Variants in CCDC92 observed in about 807,000 individuals in gnomAD.
The protein encoded by CCDC92 is coiled-coil domain containing 92.
A neutral mutation model predicts 24.9 loss-of-function variants in CCDC92; 12 were observed. The observed-to-expected ratio is 0.48, with a 90% CI of 0.31 to 0.78. The LOEUF is 0.78. CCDC92 is among the 30% of genes least tolerant of loss of function. The pLI is 0.05. For missense variants in CCDC92, 399 were observed against 439.4 expected, an observed-to-expected ratio of 0.91 and a Z score of 0.82; for synonymous variants, 193 against 196.3, an observed-to-expected ratio of 0.98 and a Z score of 0.14.
At position 123,936,022 on chromosome 12, in the gene CCDC92, C is replaced by T. The variant is rs1955477774; in HGVS notation, c.*1036G>A. On this transcript the variant is annotated 3_prime_UTR_variant, in exon 5 of 5. Transcript: ENST00000238156. ...AAGTTGTTGAGCTTAGTGTTTAGTT[C>T]CTGCATGAGCTTCTACCCCCAGCCT... The T allele has an allele frequency of 6.5e-6, 1 of 152,866 alleles. No homozygotes were observed. Among genetic ancestry groups the T allele is most frequent in the African/African-American group, 2.4e-5 (1 of 41,442 alleles). The allele number at this position is 152,866 out of a possible 1,614,324, so 9.5% of individuals were successfully genotyped here. A position where few individuals can be genotyped will look rare whatever the true frequency, so the allele number is the denominator to read the frequency against.
At chr12:123,968,570 A>G (rs1032613772) in intron 1 of CCDC92, 2 of 152,160 alleles carry the variant, frequency 1.3e-5, no homozygotes. Context: ...TTTTCCCTTC[A>G]TGCATACAGC....
intron 2 of CCDC92, 126 bp from the exon 3 acceptor site, chr12:123,943,619 G>C (rs936102221): frequency 3.0e-6 from 3 of 992,016 alleles, no homozygotes; most frequent in Non-Finnish European, 4.6e-6. Context: ...CACGGCTCCT[G>C]AAGGGCAGGG....
intron 1 of CCDC92, among the ~76,000 whole-genome samples, chr12:123,965,824 A>G (rs777057415): frequency 6.6e-6 from 1 of 152,108 alleles, no homozygotes; most frequent in African/African-American, 2.4e-5. Context: ...GGCATGCTCC[A>G]AATTTACCAG....
At chr12:123,941,356 C>A (rs116151135) in intron 4 of CCDC92, among the ~76,000 whole-genome samples, 1 of 152,186 alleles carries the variant, frequency 6.6e-6, no homozygotes, top group Non-Finnish European at 1.5e-5. Context: ...AAGCCCACGG[C>A]GCCTTCCCTA....
In CCDC92 at chr12:123,972,533, G is replaced by A. The variant is rs1292327595; in HGVS notation, c.-64C>T. The A allele has an allele frequency of 1.3e-5, 2 of 151,564 alleles. No individual in the cohort carries two copies. Among genetic ancestry groups the A allele is most frequent in the East Asian group, 3.9e-4 (2 of 5,130 alleles). 9.4% of individuals were successfully genotyped at this position (151,564 alleles called of 1,614,324 possible). A position where few individuals can be genotyped will look rare whatever the true frequency, so the allele number is the denominator to read the frequency against. On this transcript the variant is annotated 5_prime_UTR_variant, in exon 1 of 5. Coordinates refer to ENST00000238156, the MANE Select transcript of CCDC92 (RefSeq NM_025140.3). ...ACACCCCGGGCCCCGCCTCACCTGC[G>A]GGCGCCGCCGTCGCGTTCCTTCAGG...
intron 1 of CCDC92, among the ~76,000 whole-genome samples, chr12:123,969,559 C>T (rs1047372881): frequency 6.8e-6 from 1 of 146,430 alleles, no homozygotes; most frequent in East Asian, 2.0e-4. Flanking sequence ...ACCTCTGCCT[C>T]CTGGGTTCAA....
intron 1 of CCDC92, among the ~76,000 whole-genome samples, chr12:123,961,831 A>T (rs1415913946): frequency 6.6e-6 from 1 of 152,188 alleles, no homozygotes; most frequent in Non-Finnish European, 1.5e-5. Flanking sequence ...GTTGGCAAAT[A>T]AGCTTGGAGG....
In CCDC92 at chr12:123,937,406, C is replaced by T. The variant is rs367866326; in HGVS notation, c.648G>A (p.Pro216=). Residue 216 remains proline, a synonymous_variant, in exon 5 of 5, where the codon CCG becomes CCA. Transcript: ENST00000238156. This position sits in a 1 kb window ranked among gnomAD's most constrained non-coding sequence, Gnocchi z 8.4. ...CGAATCTGTAGACCTCTTCAAATTCCGGGTGCAAGGGGGCTGAGAGGCTCT... is the reference window on the plus strand; with the variant it reads ...CGAATCTGTAGACCTCTTCAAATTCTGGGTGCAAGGGGGCTGAGAGGCTCT... ...MKKSLSAPLH[P]EFEEVYRFGA... is the part of the protein sequence containing the mutation. 15 of 1,613,712 alleles carry T rather than the reference C, an allele frequency of 9.3e-6. No individual in the cohort carries two copies. The highest frequency in any genetic ancestry group is 2.2e-5 in the East Asian group (1 of 44,880).
chr12:123,944,402 T>C (rs569333352), intron 1 of CCDC92, 38 bp from the exon 2 acceptor site: 1 of 1,099,198 alleles, frequency 9.1e-7, no homozygotes, highest in South Asian at 1.9e-5. Context: ...TATAAATTAT[T>C]ATTGTAAATA....
At chr12:123,947,028 C>A (rs568032668) in intron 1 of CCDC92, among the ~76,000 whole-genome samples, 1 of 152,274 alleles carries the variant, frequency 6.6e-6, no homozygotes, top group Non-Finnish European at 1.5e-5. Flanking sequence ...GCTTGGCGGG[C>A]CCCGCACTCA....
chr12:123,945,636 G>A (rs1406859592), intron 1 of CCDC92: 5 of 152,246 alleles, frequency 3.3e-5, no homozygotes, highest in African/African-American at 1.2e-4. Context: ...GTCAGTAGCG[G>A]TGCCTACGTT....
At chr12:123,944,124 G>A in intron 2 of CCDC92, 148 bp downstream of exon 2, 2 of 653,376 alleles carry the variant, frequency 3.1e-6, no homozygotes, top group South Asian at 1.7e-5. Context: ...AGCACTGAGA[G>A]GAGCCACAGA....
At chr12:123,944,577 A>C in intron 1 of CCDC92, 1 of 406,294 alleles carries the variant, frequency 2.5e-6, no homozygotes, top group Non-Finnish European at 4.3e-6. Context: ...TTCAGACGAC[A>C]CCAATTGCTC....
rs150959081 is a variant in CCDC92 at position 123,954,686 on chromosome 12, A to G, written c.-59-10322T>C. On this transcript the variant is annotated intron_variant, in intron 1 of 4. Coordinates refer to ENST00000238156, the MANE Select transcript of CCDC92 (RefSeq NM_025140.3). ...AATGCCTCATGAAGAAAGCAAGTCT[A>G]TATTTCCGGTTGCCCACGGGTGTCT... 1.9e-3 allele frequency among the ~76,000 whole-genome samples: 288 copies of G among 152,360 alleles called. 3 individuals are homozygous for G. Among genetic ancestry groups the G allele is most frequent in the African/African-American group, 6.4e-3 (266 of 41,582 alleles).
rs1180338074 is a variant in CCDC92 at position 123,935,817 on chromosome 12, A to AAT, written c.*1239_*1240dup. On this transcript the variant is annotated 3_prime_UTR_variant, in exon 5 of 5. Coordinates refer to ENST00000238156, the MANE Select transcript of CCDC92 (RefSeq NM_025140.3). ...TTGGCACAAGTGAGAATCCTAATGT[A>AAT]ATTTCCAAAGGTGTGTTTTCGATGA... 1 of 212,920 alleles carries AAT rather than the reference A, an allele frequency of 4.7e-6. No homozygotes were observed. Among genetic ancestry groups the AAT allele is most frequent in the Non-Finnish European group, 9.4e-6 (1 of 106,472 alleles). The allele number at this position is 212,920 out of a possible 1,614,324, so 13.2% of individuals were successfully genotyped here.
chr12:123,972,505 G>C (rs1243684117), intron 1 of CCDC92, 24 bp downstream of exon 1: 12 of 151,420 alleles, frequency 7.9e-5, no homozygotes, highest in Admixed American at 5.3e-4. Flanking sequence ...GGCCGGACTC[G>C]ACACACCCCG....
intron 4 of CCDC92, among the ~76,000 whole-genome samples, chr12:123,939,459 G>GT (rs1164448933): frequency 6.6e-6 from 1 of 151,794 alleles, no homozygotes; most frequent in Non-Finnish European, 1.5e-5. Context: ...AAAATCCAAT[G>GT]TAAGTTGAAA....
chr12:123,950,416 C>A (rs1344460874), intron 1 of CCDC92, among the ~76,000 whole-genome samples: 1 of 152,178 alleles, frequency 6.6e-6, no homozygotes, highest in Non-Finnish European at 1.5e-5. Flanking sequence ...GCTGTAAAGG[C>A]ACTGCCGACC....
At position 123,943,985 on chromosome 12, in the gene CCDC92, C is replaced by T. The variant is rs2137932127; in HGVS notation, c.34+287G>A. ...GATTTCCCTGACCAGGAAGCACTGACAGCTTCCTCATGGGAAAAGCTGGCA... is the reference window on the plus strand; with the variant it reads ...GATTTCCCTGACCAGGAAGCACTGATAGCTTCCTCATGGGAAAAGCTGGCA... On this transcript the variant is annotated intron_variant, in intron 2 of 4. Transcript: ENST00000238156. 3 of 513,760 alleles carry T rather than the reference C, an allele frequency of 5.8e-6. 1 individual carries two copies. The highest frequency in any genetic ancestry group is 1.0e-5 in the Non-Finnish European group (3 of 294,232). 31.8% of individuals were successfully genotyped at this position (513,760 alleles called of 1,614,324 possible).
Sources: gnomAD v4.1 joint callset for allele counts (sites outside exome capture counted in the v4.1 genomes callset) on GRCh38, gnomAD v4.1.1 for gene constraint, Gnocchi (gnomAD v3.1) non-coding constraint, MANE v1.5 for transcripts, NCBI Gene and HGNC (gene_info 2026-07-23, HGNC 2026-07-21) for gene names.